EXTL3: variants seen among roughly 807,000 people sequenced by gnomAD.
EXTL3 encodes the protein exostosin-like 3.
EXTL3 carries 27 observed loss-of-function variants against 69.3 expected under a neutral mutation model. That is an observed-to-expected ratio of 0.39 (90% CI 0.29 to 0.54). The LOEUF is 0.54. EXTL3 is among the 20% of genes least tolerant of loss of function. The probability of loss-of-function intolerance (pLI) is 0.69; values close to 1 mark genes in which losing one functional copy is unlikely to be tolerated. For missense variants in EXTL3, 1,003 were observed against 1,231.8 expected, an observed-to-expected ratio of 0.81 and a Z score of 2.78; for synonymous variants, 511 against 499.4, an observed-to-expected ratio of 1.02 and a Z score of -0.31.
At chr8:28,671,925 A>G (rs748974053) in intron 1 of EXTL3, among the ~76,000 whole-genome samples, 1 of 152,180 alleles carries the variant, frequency 6.6e-6, no homozygotes, top group Non-Finnish European at 1.5e-5. Context: ...AAAGTGCTTG[A>G]GCCCAGGAGT....
At position 28,626,391 on chromosome 8, in the gene EXTL3, G is replaced by A. The variant is rs372653779; in HGVS notation, c.-53+3581G>A. Among the ~76,000 whole-genome samples the A allele has an allele frequency of 2.0e-5, 3 of 152,140 alleles. No homozygotes were observed. The South Asian group carries it at 6.2e-4, about 32-fold the overall frequency. ...TTACTCTGAGGCTTCAGTGAAGAATGGACTTAGGAGGGTAGGAGGCAGGAA... is the reference window on the plus strand; with the variant it reads ...TTACTCTGAGGCTTCAGTGAAGAATAGACTTAGGAGGGTAGGAGGCAGGAA... On this transcript the variant is annotated intron_variant, in intron 1 of 6. Coordinates refer to the EXTL3 transcript ENST00000523149.
At chr8:28,721,572 C>T (rs928179286) in intron 3 of EXTL3, among the ~76,000 whole-genome samples, 2 of 152,176 alleles carry the variant, frequency 1.3e-5, no homozygotes, top group Admixed American at 6.5e-5. Context: ...AATTGGTTGT[C>T]TTTTGTTCAC....
chr8:28,661,966 A>G (rs375718568), intron 1 of EXTL3, among the ~76,000 whole-genome samples: 1 of 151,018 alleles, frequency 6.6e-6, no homozygotes, highest in East Asian at 1.9e-4. Context: ...AATATTAAAT[A>G]TGAAAAGTAT....
chr8:28,621,268 C>T (rs921619995), upstream of EXTL3, among the ~76,000 whole-genome samples: 2 of 152,078 alleles, frequency 1.3e-5, no homozygotes, highest in African/African-American at 2.4e-5. Context: ...GGGTGGGCCC[C>T]AAATCTAATA....
At chr8:28,743,004 C>T (rs759758365) in intron 5 of EXTL3, 82 bp from the exon 6 acceptor site, 63 of 1,523,338 alleles carry the variant, frequency 4.1e-5, no homozygotes, top group African/African-American at 6.8e-5. Context: ...CAAACAGCCC[C>T]TCCATCCATG....
intron 1 of EXTL3, among the ~76,000 whole-genome samples, chr8:28,627,486 C>G (rs1343602347): frequency 1.6e-5 from 2 of 125,532 alleles, no homozygotes; most frequent in African/African-American, 5.9e-5. Context: ...GAGACCCTGT[C>G]TCAAAAAAAA....
Position 28,692,018 on chromosome 8 carries a change from A to G in EXTL3, c.-52-21439A>G, listed in dbSNP as rs561013356. Among the ~76,000 whole-genome samples, 25 of 152,338 alleles carry G rather than the reference A, an allele frequency of 1.6e-4. No homozygotes were observed. The South Asian group carries it at 5.0e-3, about 30-fold the overall frequency. On this transcript the variant is annotated intron_variant, in intron 1 of 6. Transcript: ENST00000523149. ...ACAAGGCTCAGCATGTGCTTTTAAA[A>G]AGCTTTCATAGTTAACACATTTCAC...
chr8:28,686,366 C>T (rs942630477), intron 1 of EXTL3, among the ~76,000 whole-genome samples: 5 of 151,306 alleles, frequency 3.3e-5, no homozygotes, highest in African/African-American at 7.3e-5. Flanking sequence ...AAAAATTGAA[C>T]CACTTAAGAA....
intron 2 of EXTL3, among the ~76,000 whole-genome samples, chr8:28,614,400 A>C (rs1361532772): frequency 1.3e-5 from 2 of 149,660 alleles, no homozygotes; most frequent in African/African-American, 2.5e-5. Context: ...CAGCCTCCTG[A>C]GTAGCTGGAT....
chr8:28,722,570 G>A (rs897552677), intron 3 of EXTL3, among the ~76,000 whole-genome samples: 1 of 151,968 alleles, frequency 6.6e-6, no homozygotes, highest in Admixed American at 6.5e-5. Flanking sequence ...GAGCCTAGGG[G>A]TTTGAGACCA....
intron 1 of EXTL3, among the ~76,000 whole-genome samples, chr8:28,624,143 A>T (rs1490555957): frequency 6.6e-6 from 1 of 152,220 alleles, no homozygotes; most frequent in African/African-American, 2.4e-5. Flanking sequence ...TGTTAAGCAG[A>T]AATTCCTGCT....
In EXTL3 at chr8:28,612,801, C is replaced by T. The variant is rs1367639634; in HGVS notation, n.314+5043C>T. Among the ~76,000 whole-genome samples the T allele has an allele frequency of 5.9e-5, 9 of 152,190 alleles. 1 individual carries two copies. The South Asian group carries it at 1.7e-3, about 28-fold the overall frequency. ...TGGCACAATCATGGCTCACTGCATC[C>T]GCAACCTCCCAGGCTCAAGCAATCC... On this transcript the variant is annotated intron_variant and non_coding_transcript_variant, in intron 2 of 4. Coordinates refer to the EXTL3 transcript ENST00000522725.
At chr8:28,677,874 A>G (rs1807413859) in intron 1 of EXTL3, among the ~76,000 whole-genome samples, 1 of 152,232 alleles carries the variant, frequency 6.6e-6, no homozygotes, top group South Asian at 2.1e-4. Flanking sequence ...GGATCCAAAG[A>G]TTAGTAAAAT....
At chr8:28,692,772 T>A (rs1167414189) in intron 1 of EXTL3, among the ~76,000 whole-genome samples, 1 of 152,182 alleles carries the variant, frequency 6.6e-6, no homozygotes, top group Non-Finnish European at 1.5e-5. Context: ...AGCAGTTGAT[T>A]TTTTGAATCT....
chr8:28,709,751 C>A (rs971454624), intron 1 of EXTL3, among the ~76,000 whole-genome samples: 2 of 152,080 alleles, frequency 1.3e-5, no homozygotes, highest in Non-Finnish European at 2.9e-5. Flanking sequence ...AAAGCAAGGC[C>A]GTGAGTAATG....
chr8:28,676,183 C>T lies in EXTL3; in HGVS notation c.-52-37274C>T, dbSNP rs373539748. ...GGGATTCAAAGACTTAAGGGACTGG[C>T]AGTTACAGTGCAATTGTCATTTGAG... is the stretch of plus-strand genomic sequence containing the variant. On this transcript the variant is annotated intron_variant, in intron 1 of 6. Coordinates refer to the EXTL3 transcript ENST00000523149. Among the ~76,000 whole-genome samples, 92 of 152,162 alleles carry T rather than the reference C, an allele frequency of 6.0e-4. 1 individual carries two copies. Among genetic ancestry groups the T allele is most frequent in the African/African-American group, 2.1e-3 (88 of 41,510 alleles).
At chr8:28,689,285 C>T (rs1800573623) in intron 1 of EXTL3, among the ~76,000 whole-genome samples, 1 of 152,186 alleles carries the variant, frequency 6.6e-6, no homozygotes. Context: ...AAAATTCCGA[C>T]AATAGATATC....
Position 28,717,055 on chromosome 8 carries a change from A to C in EXTL3, c.996A>C (p.Pro332=). 6.2e-7 allele frequency: 1 copy of C among 1,614,168 alleles called. No homozygotes were observed. The highest frequency in any genetic ancestry group is 8.5e-7 in the Non-Finnish European group (1 of 1,180,028). The change falls in exon 3 of 7, where the codon CCA becomes CCC. Residue 332 remains proline (P), a synonymous_variant. Transcript: ENST00000220562. The surrounding 1 kb of genome is among the most constrained non-coding windows in gnomAD (Gnocchi z 8.3). ...AMSEPNFMEI[P]PQVPVKRKYL... ...CTGAGCCCAACTTCATGGAAATCCC[A>C]CCACAGGTGCCGGTGAAGCGGAAAT...
At chr8:28,635,248 C>T (rs1806634099) in intron 1 of EXTL3, among the ~76,000 whole-genome samples, 1 of 151,626 alleles carries the variant, frequency 6.6e-6, no homozygotes, top group African/African-American at 2.4e-5. Context: ...TAGGAAATAC[C>T]CTTAACTATA....
Sources: gnomAD v4.1 joint callset for allele counts (sites outside exome capture counted in the v4.1 genomes callset) on GRCh38, gnomAD v4.1.1 for gene constraint, Gnocchi (gnomAD v3.1) non-coding constraint, MANE v1.5 for transcripts, NCBI Gene and HGNC (gene_info 2026-07-23, HGNC 2026-07-21) for gene names.